The following IGSF23 variants were observed in gnomAD, a reference collection of about 807,000 sequenced individuals.
IGSF23 encodes immunoglobulin superfamily member 23.
In IGSF23, 14 loss-of-function variants were observed where a neutral mutation model predicts 17.8. That is an observed-to-expected ratio of 0.79 (90% CI 0.52 to 1.23). The LOEUF is 1.23. Ranked by LOEUF, IGSF23 falls within the 50% of genes most tolerant of loss-of-function variation. The pLI, the probability that IGSF23 is intolerant of heterozygous loss-of-function variation, is 0.00. For missense variants in IGSF23, 214 were observed against 241.7 expected, an observed-to-expected ratio of 0.89 and a Z score of 0.76; for synonymous variants, 85 against 92.5, an observed-to-expected ratio of 0.92 and a Z score of 0.46.
chr19:44,617,915 C>G (rs1972422467), intron 1 of IGSF23, among the ~76,000 whole-genome samples: 2 of 152,144 alleles, frequency 1.3e-5, no homozygotes, highest in African/African-American at 4.8e-5. Context: ...GGTAAGGGGA[C>G]CCCAACAACA....
intron 3 of IGSF23, among the ~76,000 whole-genome samples, chr19:44,634,815 GA>G (rs61334428): frequency 0.46 from 54,412 of 118,762 alleles, 11,912 homozygotes; most frequent in African/African-American, 0.68. Context: ...AAAGAAAAAA[GA>G]AAAAAAAAAA....
chr19:44,620,940 G>A (rs1263258439), intron 1 of IGSF23: 1 of 152,164 alleles, frequency 6.6e-6, no homozygotes, highest in Non-Finnish European at 1.5e-5. Context: ...GAGTAAGTGA[G>A]TTAATCAGTG....
chr19:44,614,500 A>G (rs1266228607), intron 1 of IGSF23, among the ~76,000 whole-genome samples: 1 of 151,992 alleles, frequency 6.6e-6, no homozygotes, highest in Non-Finnish European at 1.5e-5. Flanking sequence ...TGGCCCGATA[A>G]TGACTCATTG....
rs1972868736 is a variant in IGSF23 at position 44,635,411 on chromosome 19, C to CAG, written c.560_561dup (p.Ile188GlufsTer2). On this transcript the variant is annotated frameshift_variant, in exon 4 of 5. Transcript: ENST00000402988. LOFTEE classifies it high-confidence loss of function. ...CTCTCTCCACTGCAGGACTGACAGGCAGAGAATAGGAATATGCAGCTGAAA... is the reference window on the plus strand; with the variant it reads ...CTCTCTCCACTGCAGGACTGACAGGCAGAGAGAATAGGAATATGCAGCTGAAA... 1 of 1,547,450 alleles carries CAG rather than the reference C, an allele frequency of 6.5e-7. No homozygotes were observed. The highest frequency in any genetic ancestry group is 1.4e-5 in the African/African-American group (1 of 72,894).
At chr19:44,614,019 G>C in intron 1 of IGSF23, 1 of 1,479,686 alleles carries the variant, frequency 6.8e-7, no homozygotes, top group South Asian at 1.2e-5. Context: ...GCTTCACCAC[G>C]GGCCAGGGAC....
intron 3 of IGSF23, among the ~76,000 whole-genome samples, chr19:44,629,632 CTTTTTTT>C (rs11344283): frequency 8.8e-6 from 1 of 114,126 alleles, no homozygotes; most frequent in Non-Finnish European, 1.7e-5. Context: ...TATATGCTTT[CTTTTTTT>C]TTTTTTTTTT....
chr19:44,634,965 G>A (rs896627310), intron 3 of IGSF23, among the ~76,000 whole-genome samples: 5 of 152,152 alleles, frequency 3.3e-5, no homozygotes, highest in Non-Finnish European at 5.9e-5. Context: ...GATGATGATT[G>A]TATTAGTTTG....
In IGSF23 at chr19:44,626,510, G is replaced by A. The variant is rs368103964; in HGVS notation, c.392-910G>A. Among the ~76,000 whole-genome samples the A allele has an allele frequency of 5.9e-5, 9 of 152,274 alleles. No individual in the cohort carries two copies. The East Asian group carries it at 1.7e-3, about 29-fold the overall frequency. ...GTCCACAGACAGTGATCACCAGAGTGGGCAGGGCTGGGATGGGGGAGCCCA... is the reference window on the plus strand; with the variant it reads ...GTCCACAGACAGTGATCACCAGAGTAGGCAGGGCTGGGATGGGGGAGCCCA... On this transcript the variant is annotated intron_variant, in intron 2 of 4. Transcript: ENST00000402988.
At chr19:44,631,475 C>A (rs1354869547) in intron 3 of IGSF23, among the ~76,000 whole-genome samples, 3 of 152,090 alleles carry the variant, frequency 2.0e-5, no homozygotes, top group African/African-American at 7.2e-5. Flanking sequence ...GTAATCCCAG[C>A]TATTTGGGAG....
intron 1 of IGSF23, among the ~76,000 whole-genome samples, chr19:44,616,560 G>A (rs1480584446): frequency 6.6e-6 from 1 of 151,960 alleles, no homozygotes; most frequent in Non-Finnish European, 1.5e-5. Flanking sequence ...AGCTGGGCGT[G>A]GTGGCGCACG....
chr19:44,626,566 G>A (rs1972652230), intron 2 of IGSF23, among the ~76,000 whole-genome samples: 2 of 152,174 alleles, frequency 1.3e-5, no homozygotes, highest in South Asian at 4.1e-4. Flanking sequence ...TAGGAGTTAA[G>A]GAGGGCTTCC....
At chr19:44,633,300 A>G (rs970880446) in intron 3 of IGSF23, among the ~76,000 whole-genome samples, 1 of 152,260 alleles carries the variant, frequency 6.6e-6, no homozygotes, top group Non-Finnish European at 1.5e-5. Context: ...GAAGCTTAAC[A>G]ATGGCTGCCA....
At chr19:44,614,112 G>A (rs1972314508) in intron 1 of IGSF23, 2 of 681,760 alleles carry the variant, frequency 2.9e-6, no homozygotes, top group Admixed American at 4.8e-5. Context: ...ATGCAGCTCA[G>A]GCACCCAACT....
chr19:44,626,646 T>C (rs947361508), intron 2 of IGSF23, among the ~76,000 whole-genome samples: 9 of 152,120 alleles, frequency 5.9e-5, no homozygotes, highest in Non-Finnish European at 1.2e-4. Context: ...TCCTGTAATC[T>C]CAGCACTTTG....
chr19:44,626,139 G>T (rs909128226), intron 2 of IGSF23, among the ~76,000 whole-genome samples: 3 of 152,136 alleles, frequency 2.0e-5, no homozygotes, highest in African/African-American at 7.2e-5. Flanking sequence ...GGGTATTTGG[G>T]GTAGGAAAGA....
At chr19:44,620,340 T>TC (rs1440094582) in intron 1 of IGSF23, among the ~76,000 whole-genome samples, 1 of 119,484 alleles carries the variant, frequency 8.4e-6, no homozygotes, top group African/African-American at 3.3e-5. Context: ...GATGACTAAT[T>TC]TTGTGTGTGT....
chr19:44,629,084 G>C (rs1963637429), intron 3 of IGSF23, among the ~76,000 whole-genome samples: 1 of 152,184 alleles, frequency 6.6e-6, no homozygotes, highest in Non-Finnish European at 1.5e-5. Context: ...GTCAGAGAGG[G>C]AGTAGGGAGG....
At chr19:44,615,624 T>TAA (rs759106852) in intron 1 of IGSF23, among the ~76,000 whole-genome samples, 4 of 133,712 alleles carry the variant, frequency 3.0e-5, no homozygotes, top group Non-Finnish European at 3.3e-5. Context: ...ACTCCATCTT[T>TAA]AAAAAAAAAA....
chr19:44,631,231 C>T (rs536988423), intron 3 of IGSF23, among the ~76,000 whole-genome samples: 10 of 152,208 alleles, frequency 6.6e-5, no homozygotes, highest in African/African-American at 2.4e-4. Context: ...TGCTCTACTG[C>T]ACTCCAGCCT....
Sources: gnomAD v4.1 joint callset for allele counts (sites outside exome capture counted in the v4.1 genomes callset) on GRCh38, gnomAD v4.1.1 for gene constraint, MANE v1.5 for transcripts, NCBI Gene and HGNC (gene_info 2026-07-23, HGNC 2026-07-21) for gene names.